PDE4C: variants seen among roughly 807,000 people sequenced by gnomAD.
The protein encoded by PDE4C is 3',5'-cyclic-AMP phosphodiesterase 4C.
Under a neutral mutation model 63.9 loss-of-function variants are expected in PDE4C, and 50 were observed. That is an observed-to-expected ratio of 0.78 (90% CI 0.62 to 0.99). PDE4C has a LOEUF of 0.99. PDE4C is among the 50% of genes least tolerant of loss of function. The pLI is 0.00. For missense variants in PDE4C, 777 were observed against 899.1 expected, an observed-to-expected ratio of 0.86 and a Z score of 1.74; for synonymous variants, 377 against 385.1, an observed-to-expected ratio of 0.98 and a Z score of 0.25.
exon 1 of PDE4C, chr19:18,233,275 G>C: frequency 1.3e-6 from 2 of 1,530,904 alleles, no homozygotes; most frequent in African/African-American, 1.4e-5. Flanking sequence ...TCCCGGGTCC[G>C]GCCCAGGGCC....
chr19:18,226,408 C>G (rs1600091405), exon 1 of PDE4C: 5 of 1,436,248 alleles, frequency 3.5e-6, no homozygotes, highest in South Asian at 2.9e-5. Context: ...CGCGGGGGGG[C>G]CCTGCATCGC....
intron 12 of PDE4C, among the ~76,000 whole-genome samples, chr19:18,215,306 G>A (rs999382044): frequency 1.2e-4 from 19 of 152,064 alleles, no homozygotes; most frequent in African/African-American, 4.1e-4. Context: ...TCTGGGCTCC[G>A]AAAGCACCTT....
At chr19:18,215,354 G>A (rs543849053) in intron 12 of PDE4C, among the ~76,000 whole-genome samples, 32 of 152,186 alleles carry the variant, frequency 2.1e-4, no homozygotes, top group African/African-American at 7.7e-4. Flanking sequence ...CAGGTCCCTA[G>A]TCAAGGGTTA....
exon 15 of PDE4C, chr19:18,210,844 A>G: frequency 6.6e-7 from 1 of 1,510,310 alleles, no homozygotes; most frequent in Non-Finnish European, 8.8e-7. Flanking sequence ...CAGGAGCCAC[A>G]TGGAGCCTCT....
Position 18,220,935 on chromosome 19 carries a change from C to G in PDE4C, c.450-12G>C. ...CGACGGGTCCCTGCCTGCGGTACAG[C>G]AGCCTCAGGCGTGGCTGCTCCGCCC... is the stretch of plus-strand genomic sequence containing the variant. On this transcript the variant is annotated splice_polypyrimidine_tract_variant and intron_variant, in intron 4 of 14. Coordinates refer to ENST00000262805, the Ensembl canonical transcript of PDE4C. The surrounding 1 kb of genome is among the most constrained non-coding windows in gnomAD (Gnocchi z 5.1). The G allele has an allele frequency of 1.3e-6, 2 of 1,598,810 alleles. No individual in the cohort carries two copies. The highest frequency in any genetic ancestry group is 1.7e-6 in the Non-Finnish European group (2 of 1,174,394).
At chr19:18,215,557 C>T (rs1396375866) in intron 12 of PDE4C, among the ~76,000 whole-genome samples, 2 of 151,808 alleles carry the variant, frequency 1.3e-5, no homozygotes, top group Non-Finnish European at 2.9e-5. Flanking sequence ...TGCTCTGTTG[C>T]CAGGCTGGAA....
At chr19:18,219,140 C>T (rs1968347035) in intron 8 of PDE4C, 94 bp downstream of exon 8, 1 of 1,588,372 alleles carries the variant, frequency 6.3e-7, no homozygotes. Flanking sequence ...GCCCCAACTG[C>T]CCAGTATATA....
intron 1 of PDE4C, among the ~76,000 whole-genome samples, chr19:18,242,094 G>A (rs748717786): frequency 3.9e-5 from 6 of 152,156 alleles, no homozygotes; most frequent in East Asian, 1.9e-4. Context: ...GAGCTGGCCA[G>A]GAGAAAGATA....
At chr19:18,232,487 GC>G (rs1968870546) in intron 1 of PDE4C, among the ~76,000 whole-genome samples, 1 of 151,624 alleles carries the variant, frequency 6.6e-6, no homozygotes. Flanking sequence ...TCCCCCACAG[GC>G]CTGCGGACAT....
chr19:18,233,566 T>C (rs1293673674), exon 1 of PDE4C: 1 of 505,122 alleles, frequency 2.0e-6, no homozygotes, highest in Non-Finnish European at 3.9e-6. Flanking sequence ...ACAGAAATTG[T>C]CCACTGATCG....
At chr19:18,244,824 T>TTTTC (rs1163138674) in intron 1 of PDE4C, among the ~76,000 whole-genome samples, 1 of 150,118 alleles carries the variant, frequency 6.7e-6, no homozygotes, top group Admixed American at 6.7e-5. Context: ...TTTTTTTTCT[T>TTTTC]TTTCTTTCTT....
intron 12 of PDE4C, 104 bp from the exon 13 acceptor site, chr19:18,213,594 C>A: frequency 8.1e-7 from 1 of 1,235,694 alleles, no homozygotes; most frequent in South Asian, 1.5e-5. Flanking sequence ...GCCCTCTGGG[C>A]CTCAGCATAC....
upstream of PDE4C, among the ~76,000 whole-genome samples, chr19:18,248,989 C>T (rs1462608974): frequency 6.7e-6 from 1 of 148,970 alleles, no homozygotes; most frequent in Non-Finnish European, 1.5e-5. Context: ...CGTGTCACTG[C>T]ACTCCAGTGT....
chr19:18,216,536 A>G (rs1968202015), intron 12 of PDE4C, among the ~76,000 whole-genome samples: 1 of 151,908 alleles, frequency 6.6e-6, no homozygotes, highest in South Asian at 2.1e-4. Context: ...CTGCTTCCCA[A>G]AGTGTTAGGA....
the PDE4C span, among the ~76,000 whole-genome samples, chr19:18,253,504 T>A: frequency 1.3e-5 from 2 of 150,516 alleles, no homozygotes; most frequent in Non-Finnish European, 2.9e-5. Flanking sequence ...TAAGCCATGA[T>A]CATGCCACTG....
At chr19:18,249,026 A>AT (rs1417824495), upstream of PDE4C, among the ~76,000 whole-genome samples, 1 of 114,482 alleles carries the variant, frequency 8.7e-6, no homozygotes, top group African/African-American at 4.6e-5. Flanking sequence ...ACTCCATCTT[A>AT]TTAAAAAAAA....
intron 13 of PDE4C, among the ~76,000 whole-genome samples, chr19:18,212,982 G>A (rs369836713): frequency 9.7e-5 from 14 of 144,506 alleles, no homozygotes; most frequent in African/African-American, 3.5e-4. Flanking sequence ...CACTGCGCCC[G>A]GCTGCTAAAG....
chr19:18,233,267 C>A, exon 1 of PDE4C: 1 of 1,534,290 alleles, frequency 6.5e-7, no homozygotes, highest in Admixed American at 2.0e-5. Flanking sequence ...GCGTCTGCTC[C>A]CGGGTCCGGC....
intron 1 of PDE4C, among the ~76,000 whole-genome samples, chr19:18,246,182 ATTT>A (rs35056580): frequency 4.4e-5 from 5 of 112,656 alleles, no homozygotes; most frequent in African/African-American, 6.8e-5. Context: ...CACCAGGCTA[ATTT>A]TTTTTTTTTT....
Sources: gnomAD v4.1 joint callset for allele counts (sites outside exome capture counted in the v4.1 genomes callset) on GRCh38, gnomAD v4.1.1 for gene constraint, Gnocchi (gnomAD v3.1) non-coding constraint, MANE v1.5 for transcripts, NCBI Gene and HGNC (gene_info 2026-07-23, HGNC 2026-07-21) for gene names.